The following TMEM117 variants were observed in gnomAD, a reference collection of about 807,000 sequenced individuals.
The protein encoded by TMEM117 is transmembrane protein 117.
Under a neutral mutation model 52.4 loss-of-function variants are expected in TMEM117, and 27 were observed. That is an observed-to-expected ratio of 0.51 (90% CI 0.38 to 0.71). The LOEUF is 0.71. TMEM117 is among the 30% of genes least tolerant of loss of function. The pLI is 0.00. For synonymous variants in TMEM117, 215 were observed against 206.3 expected, an observed-to-expected ratio of 1.04 and a Z score of -0.36; for missense variants, 556 against 630.5, an observed-to-expected ratio of 0.88 and a Z score of 1.26.
chr12:43,871,004 C>T (rs773252915), intron 2 of TMEM117, among the ~76,000 whole-genome samples: 3 of 151,722 alleles, frequency 2.0e-5, no homozygotes, highest in South Asian at 2.1e-4. Flanking sequence ...AGGCTGGTCT[C>T]GAACTCCTGA....
chr12:43,890,698 G>A (rs55995646), intron 2 of TMEM117, among the ~76,000 whole-genome samples: 9,982 of 151,720 alleles, frequency 0.066, 386 homozygotes, highest in Middle Eastern at 0.14. Context: ...CACCCGGCTA[G>A]TTTTTGTATT....
intron 2 of TMEM117, among the ~76,000 whole-genome samples, chr12:43,914,899 C>T (rs1192359699): frequency 6.6e-6 from 1 of 152,084 alleles, no homozygotes; most frequent in African/African-American, 2.4e-5. Flanking sequence ...CTGGTACCCC[C>T]TCCTTCAGCA....
rs1381186400 is a variant in TMEM117, at chr12:44,067,190, A to G, written c.411-76335A>G. Among the ~76,000 whole-genome samples, 4 of 152,304 alleles carry G rather than the reference A, an allele frequency of 2.6e-5. No homozygotes were observed. The East Asian group carries it at 7.7e-4, about 29-fold the overall frequency. Reference sequence around the variant, plus strand: ...CTCTTGCTGTTTCTATAACATCTGCAGTTGCTTTTTTAACTGAAATCTTGA... The same window carrying G: ...CTCTTGCTGTTTCTATAACATCTGCGGTTGCTTTTTTAACTGAAATCTTGA... On this transcript the variant is annotated intron_variant, in intron 3 of 7. Transcript: ENST00000266534.
chr12:44,214,292 C>T (rs560830719), intron 5 of TMEM117, among the ~76,000 whole-genome samples: 3 of 151,756 alleles, frequency 2.0e-5, no homozygotes, highest in South Asian at 2.1e-4. Context: ...ATTACAGGCA[C>T]GTACCACCAC....
intron 4 of TMEM117, among the ~76,000 whole-genome samples, chr12:44,147,256 A>G (rs1408811629): frequency 6.6e-6 from 1 of 152,158 alleles, no homozygotes; most frequent in African/African-American, 2.4e-5. Flanking sequence ...GGGGTGTCTC[A>G]CGAGACACCA....
intron 5 of TMEM117, among the ~76,000 whole-genome samples, chr12:44,278,431 G>A (rs1015893855): frequency 1.3e-5 from 2 of 152,270 alleles, no homozygotes; most frequent in Admixed American, 1.3e-4. Flanking sequence ...TGTCATCCAA[G>A]TTTAGTAATA....
At chr12:43,805,297 G>A in the TMEM117 span, among the ~76,000 whole-genome samples, 2 of 152,208 alleles carry the variant, frequency 1.3e-5, no homozygotes, top group African/African-American at 2.4e-5. Flanking sequence ...AATTAATGCG[G>A]ATAAATAAAA....
intron 5 of TMEM117, among the ~76,000 whole-genome samples, chr12:44,242,924 T>C (rs1950081726): frequency 6.6e-6 from 1 of 151,716 alleles, no homozygotes; most frequent in East Asian, 1.9e-4. Flanking sequence ...CGTGAGCACG[T>C]GTTGTTTACT....
At chr12:43,948,618 T>C (rs1259838617) in intron 3 of TMEM117, among the ~76,000 whole-genome samples, 1 of 152,154 alleles carries the variant, frequency 6.6e-6, no homozygotes, top group Non-Finnish European at 1.5e-5. Flanking sequence ...AACTCATCAT[T>C]TTATAAATGT....
intron 2 of TMEM117, among the ~76,000 whole-genome samples, chr12:43,941,910 G>A (rs1945050723): frequency 6.6e-6 from 1 of 152,134 alleles, no homozygotes; most frequent in African/African-American, 2.4e-5. Context: ...TGTTTTATTT[G>A]CAAAGCACTG....
intron 5 of TMEM117, among the ~76,000 whole-genome samples, chr12:44,218,711 A>G (rs1592616005): frequency 6.6e-6 from 1 of 152,198 alleles, no homozygotes; most frequent in Admixed American, 6.5e-5. Context: ...CATATGAGAC[A>G]TATTACCTAT....
At chr12:44,182,876 C>T in intron 4 of TMEM117, among the ~76,000 whole-genome samples, 1 of 152,062 alleles carries the variant, frequency 6.6e-6, no homozygotes, top group East Asian at 1.9e-4. Flanking sequence ...ACAAAAAACG[C>T]TTTTAATCCA....
At chr12:44,160,541 C>T (rs1948885069) in intron 4 of TMEM117, among the ~76,000 whole-genome samples, 1 of 152,146 alleles carries the variant, frequency 6.6e-6, no homozygotes, top group Non-Finnish European at 1.5e-5. Context: ...TGGTAACTCA[C>T]ACCTGTGATT....
intron 3 of TMEM117, among the ~76,000 whole-genome samples, chr12:44,064,637 G>T (rs1457315665): frequency 6.6e-6 from 1 of 152,094 alleles, no homozygotes; most frequent in Non-Finnish European, 1.5e-5. Context: ...AAAGAAAAAA[G>T]CTTTCTCTCC....
chr12:44,062,051 A>G (rs1947147832), intron 3 of TMEM117, among the ~76,000 whole-genome samples: 1 of 152,178 alleles, frequency 6.6e-6, no homozygotes, highest in Non-Finnish European at 1.5e-5. Flanking sequence ...ACTTCATTAT[A>G]TCAATCTCTC....
chr12:43,920,549 C>CCTTTTTTTTTTT (rs1944675812), intron 2 of TMEM117, among the ~76,000 whole-genome samples: 1 of 86,060 alleles, frequency 1.2e-5, no homozygotes, highest in African/African-American at 3.6e-5. Flanking sequence ...CCTAGAGGGC[C>CCTTTTTTTTTTT]TTTTTTTTTT....
intron 2 of TMEM117, among the ~76,000 whole-genome samples, chr12:43,897,781 AT>A (rs60455973): frequency 0.048 from 7,224 of 150,532 alleles, 213 homozygotes; most frequent in Middle Eastern, 0.09. Flanking sequence ...TAATTTTTGT[AT>A]TTTTTTTTTG....
chr12:43,944,515 A>G (rs1300581741), intron 3 of TMEM117, among the ~76,000 whole-genome samples, 173 bp downstream of exon 3: 4 of 151,686 alleles, frequency 2.6e-5, no homozygotes, highest in African/African-American at 9.7e-5. Context: ...TTTTTTTTCC[A>G]GGAAGCATAT....
At chr12:44,040,218 A>G (rs942404719) in intron 3 of TMEM117, among the ~76,000 whole-genome samples, 6 of 152,166 alleles carry the variant, frequency 3.9e-5, no homozygotes, top group African/African-American at 1.2e-4. Flanking sequence ...AACCTCAACA[A>G]TGTAAATAAT....
Sources: allele counts gnomAD v4.1 joint callset (sites outside exome capture counted in the v4.1 genomes callset), GRCh38; gene constraint gnomAD v4.1.1; transcripts MANE v1.5; gene names NCBI Gene and HGNC (gene_info 2026-07-23, HGNC 2026-07-21).